Variants in DAB1 observed in about 807,000 individuals in gnomAD.
The protein encoded by DAB1 is disabled homolog 1.
A neutral mutation model predicts 64.6 loss-of-function variants in DAB1; 15 were observed. The ratio of observed to expected loss-of-function variants is 0.23; its 90% CI spans 0.16 to 0.36. The LOEUF is 0.36. Among genes scored for constraint, DAB1 ranks in the 10% least tolerant of loss-of-function variants. The pLI is 1.00. For missense variants in DAB1, 596 were observed against 706.7 expected, an observed-to-expected ratio of 0.84 and a Z score of 1.78; for synonymous variants, 235 against 251.9, an observed-to-expected ratio of 0.93 and a Z score of 0.64.
intron 3 of DAB1, among the ~76,000 whole-genome samples, chr1:58,420,327 A>C (rs17117492): frequency 0.045 from 6,918 of 152,200 alleles, 248 homozygotes; most frequent in African/African-American, 0.1. Flanking sequence ...ATCAATACTC[A>C]AAATTTGGCT....
At chr1:58,064,840 G>C (rs1648748631) in intron 5 of DAB1, among the ~76,000 whole-genome samples, 2 of 152,116 alleles carry the variant, frequency 1.3e-5, no homozygotes, top group Admixed American at 1.3e-4. Context: ...TTCTGCCTCA[G>C]ACTCTCCGAG....
In DAB1 at chr1:57,944,741, G is replaced by A. The variant is rs370713876; in HGVS notation, n.388-60579C>T. ...TCCACATACACACATATATAACCTC[G>A]GCAAGCTGCTCCAAAAAGCGCTATC... is the stretch of plus-strand genomic sequence containing the variant. On this transcript the variant is annotated intron_variant and non_coding_transcript_variant, in intron 5 of 20. Transcript: ENST00000485760. 1.4e-3 allele frequency among the ~76,000 whole-genome samples: 212 copies of A among 152,052 alleles called. 8 individuals carry two copies. The South Asian group carries it at 0.042, about 30-fold the overall frequency.
chr1:58,180,526 C>T (rs1019409430), intron 4 of DAB1, among the ~76,000 whole-genome samples: 1 of 151,866 alleles, frequency 6.6e-6, no homozygotes, highest in Non-Finnish European at 1.5e-5. Context: ...AACTTCTGAG[C>T]TCAAGCAATC....
At chr1:57,312,743 G>A (rs1174128354) in intron 1 of DAB1, among the ~76,000 whole-genome samples, 1 of 152,104 alleles carries the variant, frequency 6.6e-6, no homozygotes, top group Non-Finnish European at 1.5e-5. Context: ...TCGGTGTGCA[G>A]GGAAATGAGG....
At chr1:57,957,515 A>T (rs989372373) in intron 5 of DAB1, among the ~76,000 whole-genome samples, 3 of 152,188 alleles carry the variant, frequency 2.0e-5, no homozygotes, top group Non-Finnish European at 4.4e-5. Context: ...AGGTTATTGG[A>T]TATATACAGG....
At chr1:58,312,426 G>T (rs1662451044) in intron 4 of DAB1, among the ~76,000 whole-genome samples, 1 of 152,140 alleles carries the variant, frequency 6.6e-6, no homozygotes, top group African/African-American at 2.4e-5. Flanking sequence ...CTTTCCCTGT[G>T]GGAGCTTCCA....
intron 5 of DAB1, among the ~76,000 whole-genome samples, chr1:58,129,067 G>C (rs1228814807): frequency 1.4e-5 from 2 of 145,096 alleles, no homozygotes; most frequent in East Asian, 4.3e-4. Context: ...GTAGAATTCG[G>C]CTGTGAATCC....
chr1:57,452,157 G>GC (rs1477319468), intron 7 of DAB1, among the ~76,000 whole-genome samples: 2,524 of 109,996 alleles, frequency 0.023, 258 homozygotes, highest in South Asian at 0.027. Flanking sequence ...GTCTCTCTCT[G>GC]CACCCCCCCT....
At chr1:57,088,870 C>T (rs1019983315) in intron 4 of DAB1, among the ~76,000 whole-genome samples, 1 of 152,238 alleles carries the variant, frequency 6.6e-6, no homozygotes, top group Non-Finnish European at 1.5e-5. Flanking sequence ...GCTTGAGATG[C>T]AGGCCCCGGC....
chr1:58,003,727 C>A (rs983768284), intron 5 of DAB1, among the ~76,000 whole-genome samples: 3 of 152,136 alleles, frequency 2.0e-5, no homozygotes, highest in Non-Finnish European at 4.4e-5. Context: ...GCAAGGTGGC[C>A]TTGTGGGAAA....
intron 5 of DAB1, among the ~76,000 whole-genome samples, chr1:57,978,890 G>A (rs752278990): frequency 5.9e-5 from 9 of 152,038 alleles, no homozygotes; most frequent in Admixed American, 2.6e-4. Flanking sequence ...CTAGAATGGC[G>A]ATCATTAAAA....
intron 7 of DAB1, among the ~76,000 whole-genome samples, chr1:57,645,980 T>C (rs960782498): frequency 2.6e-5 from 4 of 151,968 alleles, no homozygotes; most frequent in African/African-American, 9.7e-5. Flanking sequence ...GTAGATGGAA[T>C]CTGAGGAAAT....
intron 4 of DAB1, among the ~76,000 whole-genome samples, chr1:58,308,737 C>T (rs74702336): frequency 0.036 from 5,460 of 152,192 alleles, 345 homozygotes; most frequent in African/African-American, 0.12. Context: ...GCTGCCACTT[C>T]GCTCTCCCTC....
At chr1:57,308,999 TG>T (rs1258929080) in intron 1 of DAB1, among the ~76,000 whole-genome samples, 1 of 152,240 alleles carries the variant, frequency 6.6e-6, no homozygotes, top group African/African-American at 2.4e-5. Context: ...AGGGTGGCTT[TG>T]AATGCGGCCC....
chr1:57,922,169 T>C (rs1455265320), intron 5 of DAB1, among the ~76,000 whole-genome samples: 1 of 152,184 alleles, frequency 6.6e-6, no homozygotes. Context: ...TGTCATTTTA[T>C]CTCCCATCAT....
chr1:57,323,189 G>T (rs989963936), intron 1 of DAB1, among the ~76,000 whole-genome samples: 1 of 152,036 alleles, frequency 6.6e-6, no homozygotes, highest in East Asian at 1.9e-4. Flanking sequence ...GTATGTTGCC[G>T]GTTGAGCCCT....
At chr1:57,127,845 G>A (rs1332372269) in intron 4 of DAB1, among the ~76,000 whole-genome samples, 5 of 152,082 alleles carry the variant, frequency 3.3e-5, no homozygotes, top group African/African-American at 1.2e-4. Context: ...ACAAATGGTA[G>A]CAATAAATAA....
At chr1:58,051,271 T>C (rs1647646760) in intron 5 of DAB1, among the ~76,000 whole-genome samples, 1 of 151,920 alleles carries the variant, frequency 6.6e-6, no homozygotes, top group East Asian at 1.9e-4. Context: ...ATTGTTCAAG[T>C]CCCACCTCTG....
In DAB1 at chr1:57,609,885, TCC is replaced by T. The variant is rs1645705277; in HGVS notation, n.625+39705_625+39706del. On this transcript the variant is annotated intron_variant and non_coding_transcript_variant, in intron 7 of 20. Transcript: ENST00000485760. Reference sequence around the variant, plus strand: ...TTTATGATCACTTTGTTTGAGACAGTCCTGTTGTATTTAAAAAATAACATACT... The same window carrying T: ...TTTATGATCACTTTGTTTGAGACAGTTGTTGTATTTAAAAAATAACATACT... Among the ~76,000 whole-genome samples, 3 of 152,184 alleles carry T rather than the reference TCC, an allele frequency of 2.0e-5. No homozygotes were observed. In the South Asian group the frequency reaches 6.2e-4, roughly 32 times the overall value.
Sources: gnomAD v4.1 joint callset for allele counts (sites outside exome capture counted in the v4.1 genomes callset) on GRCh38, gnomAD v4.1.1 for gene constraint, MANE v1.5 for transcripts, NCBI Gene and HGNC (gene_info 2026-07-23, HGNC 2026-07-21) for gene names.